The following SEPTIN9 variants were observed in gnomAD, a reference collection of about 807,000 sequenced individuals.
SEPTIN9 encodes septin 9, also known as septin-9.
A neutral mutation model predicts 56.6 loss-of-function variants in SEPTIN9; 13 were observed. The ratio of observed to expected loss-of-function variants is 0.23; its 90% CI spans 0.15 to 0.37. The LOEUF (loss-of-function observed/expected upper bound fraction) is 0.37, where lower values mean the gene tolerates loss of function less well. SEPTIN9 is among the 10% of genes least tolerant of loss of function. The pLI, the probability that SEPTIN9 is intolerant of heterozygous loss-of-function variation, is 1.00. For synonymous variants in SEPTIN9, 332 were observed against 334.1 expected, an observed-to-expected ratio of 0.99 and a Z score of 0.07; for missense variants, 650 against 823.1, an observed-to-expected ratio of 0.79 and a Z score of 2.57.
At position 77,310,785 on chromosome 17, in the gene SEPTIN9, T is replaced by C. The variant is rs67735271; in HGVS notation, c.76+3588T>C. 0.3 allele frequency among the ~76,000 whole-genome samples: 44,950 copies of C among 152,018 alleles called. 7,993 individuals carry two copies. The highest frequency in any genetic ancestry group is 0.5 in the African/African-American group (20,605 of 41,418). On this transcript the variant is annotated intron_variant, in intron 2 of 11. Transcript: ENST00000427177. The surrounding 1 kb of genome is among the most constrained non-coding windows in gnomAD (Gnocchi z 4.7). ...CGGTGCACGGAGCATTTCATCTCAG[T>C]GGTGCCTGAGCTTCCCTCCCTCTGG...
chr17:77,402,690 C>T lies in SEPTIN9; in HGVS notation c.708C>T (p.Pro236=), dbSNP rs548973729. Residue 236 remains proline, a synonymous_variant, in exon 3 of 12, where the codon CCC becomes CCT. Transcript: ENST00000427177. This position sits in a 1 kb window ranked among gnomAD's most constrained non-coding sequence, Gnocchi z 6.6. Reference sequence around the variant, plus strand: ...AGCCCCCTGTGGCTGAGGCTACACCCCGGAGCCAGGAGGGTGAGTCGCAGA... The same window carrying T: ...AGCCCCCTGTGGCTGAGGCTACACCTCGGAGCCAGGAGGGTGAGTCGCAGA... ...KPQPPVAEAT[P]RSQEATEAAP... The T allele has an allele frequency of 9.4e-6, 15 of 1,589,802 alleles. No homozygotes were observed. In the South Asian group the frequency reaches 1.6e-4, roughly 17 times the overall value.
intron 3 of SEPTIN9, among the ~76,000 whole-genome samples, chr17:77,409,992 C>T (rs950442919): frequency 1.3e-5 from 2 of 152,168 alleles, no homozygotes; most frequent in Non-Finnish European, 2.9e-5. Flanking sequence ...TGCAGGGAGG[C>T]GCTTCCTCAG....
At chr17:77,479,741 C>T (rs1159112964) in intron 3 of SEPTIN9, among the ~76,000 whole-genome samples, 1 of 151,774 alleles carries the variant, frequency 6.6e-6, no homozygotes, top group Non-Finnish European at 1.5e-5. Context: ...GCAGCGCCTC[C>T]CCCCAGGTCC....
chr17:77,401,998 C>G, intron 2 of SEPTIN9, 61 bp from the exon 3 acceptor site: 2 of 1,546,174 alleles, frequency 1.3e-6, no homozygotes, highest in South Asian at 1.2e-5. Context: ...TAGCAGGAAA[C>G]ATGCCGGAGT....
chr17:77,451,297 C>A lies in SEPTIN9; in HGVS notation c.722-30847C>A. On this transcript the variant is annotated intron_variant, in intron 3 of 11. Transcript: ENST00000427177. This position sits in a 1 kb window ranked among gnomAD's most constrained non-coding sequence, Gnocchi z 4.2. ...CTGCCGCTGGGCGCCCCTATCTCTG[C>A]CTGCCCCCTCCTCCTGCTCCCCTCG... The A allele has an allele frequency of 1.1e-6, 1 of 915,676 alleles. No homozygotes were observed. The highest frequency in any genetic ancestry group is 1.3e-6 in the Non-Finnish European group (1 of 766,006). The allele number at this position is 915,676 out of a possible 1,614,324, so 56.7% of individuals were successfully genotyped here.
rs375382873 is a variant in SEPTIN9 at position 77,480,557 on chromosome 17, T to C, written c.722-1587T>C. On this transcript the variant is annotated intron_variant, in intron 3 of 11. Transcript: ENST00000427177. Reference sequence around the variant, plus strand: ...CCCACCTTCTGGGCAGAGTGAGGAGTGGGCGTGGGCCGGGAGGGCTGCCTC... The same window carrying C: ...CCCACCTTCTGGGCAGAGTGAGGAGCGGGCGTGGGCCGGGAGGGCTGCCTC... 2.6e-5 allele frequency among the ~76,000 whole-genome samples: 4 copies of C among 151,990 alleles called. No individual in the cohort carries two copies. In the East Asian group the frequency reaches 7.7e-4, roughly 29 times the overall value.
chr17:77,482,713 A>T (rs2143226039), intron 4 of SEPTIN9: 1 of 583,130 alleles, frequency 1.7e-6, no homozygotes, highest in Non-Finnish European at 3.0e-6. Context: ...TCCCCACCGC[A>T]CCCCACCGCA....
chr17:77,309,026 C>A (rs563306701), intron 2 of SEPTIN9, among the ~76,000 whole-genome samples: 5 of 152,266 alleles, frequency 3.3e-5, no homozygotes, highest in Non-Finnish European at 1.5e-5. Context: ...CTGGACAGCC[C>A]AGCCGCTGCT....
rs1199251513 is a variant in SEPTIN9 at position 77,499,461 on chromosome 17, C to G, written c.*803C>G. ...AGGATAAAAAGGAAGGAGAGATGAC[C>G]CCTACCCCCTCATCCCCCAGTTTTG... On this transcript the variant is annotated 3_prime_UTR_variant, in exon 12 of 12. Coordinates refer to ENST00000427177, the MANE Select transcript of SEPTIN9 (RefSeq NM_001113491.2). 1.9e-6 allele frequency: 1 copy of G among 523,876 alleles called. No individual in the cohort carries two copies. The allele number at this position is 523,876 out of a possible 1,614,324, so 32.5% of individuals were successfully genotyped here.
In SEPTIN9 at chr17:77,355,518, G is replaced by A. The variant is rs141296218; in HGVS notation, c.77-46541G>A. On this transcript the variant is annotated intron_variant, in intron 2 of 11. Transcript: ENST00000427177. ...TGCTGTGGCTGTTCCCTTGTGTCAC[G>A]TGGCTGCAGGCACAGCCCCCAAGTG... 2.6e-3 allele frequency among the ~76,000 whole-genome samples: 394 copies of A among 152,216 alleles called. 3 individuals carry two copies. The highest frequency in any genetic ancestry group is 9.1e-3 in the African/African-American group (376 of 41,522).
In SEPTIN9 at chr17:77,405,211, T is replaced by C; in HGVS notation, c.721+2508T>C. The C allele has an allele frequency of 7.3e-7, 1 of 1,373,144 alleles. No individual in the cohort carries two copies. Among genetic ancestry groups the C allele is most frequent in the African/African-American group, 1.4e-5 (1 of 69,672 alleles). The allele number at this position is 1,373,144 out of a possible 1,614,324, so 85.1% of individuals were successfully genotyped here. On this transcript the variant is annotated intron_variant, in intron 3 of 11. Coordinates refer to ENST00000427177, the MANE Select transcript of SEPTIN9 (RefSeq NM_001113491.2). The surrounding 1 kb of genome is among the most constrained non-coding windows in gnomAD (Gnocchi z 5.8). ...GGCAGACACAGTTTAGCCCCTAAAT[T>C]GTGCCAGAGACTGTGCCGGGAGCCA... is the stretch of plus-strand genomic sequence containing the variant.
chr17:77,348,595 C>G (rs8069044), intron 2 of SEPTIN9, among the ~76,000 whole-genome samples: 2,336 of 152,078 alleles, frequency 0.015, 58 homozygotes, highest in African/African-American at 0.053. Flanking sequence ...CCACTGAGCC[C>G]GGCCTGTTTT....
intron 3 of SEPTIN9, among the ~76,000 whole-genome samples, chr17:77,404,012 T>C (rs753056454): frequency 3.3e-5 from 5 of 152,122 alleles, no homozygotes; most frequent in Admixed American, 6.5e-5. Flanking sequence ...CTAGGAACCT[T>C]GTGTGTGTGG....
Position 77,437,206 on chromosome 17 carries a change from G to A in SEPTIN9, c.721+34503G>A, listed in dbSNP as rs1014620228. ...CCCCACCCCAGTGGGGCCCTGCGAG[G>A]GAAAGAAGAATGCCCTATGCAGAAG... On this transcript the variant is annotated intron_variant, in intron 3 of 11. Coordinates refer to ENST00000427177, the MANE Select transcript of SEPTIN9 (RefSeq NM_001113491.2). The surrounding 1 kb of genome is among the most constrained non-coding windows in gnomAD (Gnocchi z 5.3). Among the ~76,000 whole-genome samples the A allele has an allele frequency of 6.6e-6, 1 of 152,226 alleles. No individual in the cohort carries two copies. Among genetic ancestry groups the A allele is most frequent in the African/African-American group, 2.4e-5 (1 of 41,462 alleles).
intron 1 of SEPTIN9, among the ~76,000 whole-genome samples, chr17:77,300,782 C>G (rs1307001083): frequency 1.7e-5 from 2 of 120,578 alleles, no homozygotes; most frequent in Non-Finnish European, 3.5e-5. Flanking sequence ...CGCCCCCATC[C>G]CAGCTCAAAG....
chr17:77,321,932 C>T (rs1351583295), intron 2 of SEPTIN9, among the ~76,000 whole-genome samples: 2 of 152,320 alleles, frequency 1.3e-5, no homozygotes, highest in Admixed American at 6.5e-5. Context: ...GGGCAGGGAG[C>T]GCTGAGAGGG....
chr17:77,489,773 GCAT>G (rs1210621527), intron 7 of SEPTIN9, among the ~76,000 whole-genome samples: 1 of 152,188 alleles, frequency 6.6e-6, no homozygotes, highest in African/African-American at 2.4e-5. Flanking sequence ...CCACCCTCTG[GCAT>G]CATCCTCTGT....
Position 77,450,580 on chromosome 17 carries a change from G to A in SEPTIN9, c.722-31564G>A, listed in dbSNP as rs962095428. On this transcript the variant is annotated intron_variant, in intron 3 of 11. Coordinates refer to ENST00000427177, the MANE Select transcript of SEPTIN9 (RefSeq NM_001113491.2). The surrounding 1 kb of genome is among the most constrained non-coding windows in gnomAD (Gnocchi z 6.0). ...TGAGATGGGTCTGGCAGATCCCAGC[G>A]TCCAGGCCCAGCCCCTATAGTGTCA... The A allele has an allele frequency of 2.0e-6, 2 of 985,638 alleles. No homozygotes were observed. The highest frequency in any genetic ancestry group is 1.1e-4 in the East Asian group (1 of 8,814). 61.1% of individuals were successfully genotyped at this position (985,638 alleles called of 1,614,324 possible). A position where few individuals can be genotyped will look rare whatever the true frequency, so the allele number is the denominator to read the frequency against.
At chr17:77,325,223 A>T (rs1255042870) in intron 2 of SEPTIN9, among the ~76,000 whole-genome samples, 2 of 152,230 alleles carry the variant, frequency 1.3e-5, no homozygotes, top group African/African-American at 4.8e-5. Context: ...GCCAAATGCA[A>T]CGTCAGGAAG....
Sources: allele counts gnomAD v4.1 joint callset (sites outside exome capture counted in the v4.1 genomes callset), GRCh38; gene constraint gnomAD v4.1.1; non-coding constraint Gnocchi (gnomAD v3.1); transcripts MANE v1.5; gene names NCBI Gene and HGNC (gene_info 2026-07-23, HGNC 2026-07-21).